ZNF488: variants seen among roughly 807,000 people sequenced by gnomAD.
ZNF488 encodes the protein zinc finger protein 488.
ZNF488 carries 1 observed loss-of-function variant against 1.2 expected under a neutral mutation model. That is an observed-to-expected ratio of 0.86 (90% confidence interval 0.30 to 4.07). The LOEUF (loss-of-function observed/expected upper bound fraction) is 4.07, where lower values mean the gene tolerates loss of function less well. ZNF488 is among the 30% of genes most tolerant of loss of function. The pLI is 0.18. For synonymous variants in ZNF488, 185 were observed against 190.1 expected, an observed-to-expected ratio of 0.97 and a Z score of 0.22; for missense variants, 450 against 437.9, an observed-to-expected ratio of 1.03 and a Z score of -0.25.
intron 1 of ZNF488, among the ~76,000 whole-genome samples, chr10:47,383,905 G>A (rs1475030403): frequency 6.6e-6 from 1 of 151,972 alleles, no homozygotes; most frequent in Non-Finnish European, 1.5e-5. Context: ...AGAAGGTAGG[G>A]GAGAAGAATA....
At chr10:47,384,087 G>GGAAA (rs1555215860) in intron 1 of ZNF488, 133 bp downstream of exon 1, 1 of 152,454 alleles carries the variant, frequency 6.6e-6, no homozygotes. Context: ...ACATTGGGAA[G>GGAAA]GAAAGGACCC....
intron 1 of ZNF488, among the ~76,000 whole-genome samples, chr10:47,379,470 G>A (rs1555214846): frequency 6.6e-6 from 1 of 152,274 alleles, no homozygotes; most frequent in African/African-American, 2.4e-5. Flanking sequence ...AAAATGAGGA[G>A]ATGAAACTAG....
Position 47,367,995 on chromosome 10 carries a change from T to C in ZNF488, c.835A>G (p.Lys279Glu). 1 of 1,614,054 alleles carries C rather than the reference T, an allele frequency of 6.2e-7. No homozygotes were observed. The highest frequency in any genetic ancestry group is 8.5e-7 in the Non-Finnish European group (1 of 1,180,014). The change falls in exon 2 of 2, where the codon AAG becomes GAG. Residue 279 changes from lysine to glutamate, a missense_variant. Physicochemically the swap from Lys to Glu is moderately conservative, Grantham distance 56. Coordinates refer to ENST00000585316, the MANE Select transcript of ZNF488 (RefSeq NM_153034.4). ...GTTAGGCGAAAGGACAGGTTGCACT[T>C]TGCACACCAGTTCTGGGTGGACAAG... Reference protein sequence around the residue: ...LGLSTQNWCAKCNLSFRLTSD... With the variant: ...LGLSTQNWCAECNLSFRLTSD...
Position 47,368,782 on chromosome 10 carries a change from G to A in ZNF488, c.48C>T (p.Ile16=), listed in dbSNP as rs1555213456. 1.9e-6 allele frequency: 3 copies of A among 1,609,686 alleles called. No homozygotes were observed. Among genetic ancestry groups the A allele is most frequent in the South Asian group, 2.2e-5 (2 of 90,252 alleles). ...GGGCTCCCTTCCCAGCTGCCATGGT[G>A]ATCACCAGGGCCGGGGCCACAGATA... is the stretch of plus-strand genomic sequence containing the variant. ...PCLSVAPALV[I]TMAAGKGAPL... Residue 16 remains isoleucine, a synonymous_variant, in exon 2 of 2, where the codon ATC becomes ATT. Coordinates refer to ENST00000585316, the MANE Select transcript of ZNF488 (RefSeq NM_153034.4).
At chr10:47,371,650 G>A (rs1010052373) in intron 1 of ZNF488, among the ~76,000 whole-genome samples, 11 of 151,824 alleles carry the variant, frequency 7.2e-5, no homozygotes, top group East Asian at 1.9e-4. Flanking sequence ...TTTTAAAGGC[G>A]GCAGTGCCCT....
intron 1 of ZNF488, among the ~76,000 whole-genome samples, chr10:47,379,492 G>A (rs977530714): frequency 2.6e-5 from 3 of 115,084 alleles, no homozygotes; most frequent in Admixed American, 8.8e-5. Flanking sequence ...AACTAGCTGG[G>A]GACCTTTCAT....
intron 1 of ZNF488, among the ~76,000 whole-genome samples, chr10:47,382,728 G>A (rs1838025474): frequency 1.3e-5 from 2 of 152,156 alleles, no homozygotes; most frequent in South Asian, 4.1e-4. Flanking sequence ...ACACTGCAAT[G>A]CACCTTCATC....
Position 47,369,420 on chromosome 10 carries a change from G to A in ZNF488, c.-108-483C>T, listed in dbSNP as rs145710853. 2.3e-4 allele frequency among the ~76,000 whole-genome samples: 35 copies of A among 152,308 alleles called. No individual in the cohort carries two copies. In the East Asian group the frequency reaches 6.8e-3, roughly 29 times the overall value. On this transcript the variant is annotated intron_variant, in intron 1 of 1. Transcript: ENST00000585316. ...GCTCGAGCTACCTCTGGCCCTGGCTGAGTGCTGAGGGCACAGGGAGGCCGC... is the reference window on the plus strand; with the variant it reads ...GCTCGAGCTACCTCTGGCCCTGGCTAAGTGCTGAGGGCACAGGGAGGCCGC...
chr10:47,368,824 T>C lies in ZNF488; in HGVS notation c.6A>G (p.Pro2=). M[P]EWPPCLSVAP... ...CCACAGATAAGCAAGGTGGCCACTC[T>C]GGCATTCATCAGTCTTTGGGGGTTT... Residue 2 remains proline (P), a synonymous_variant, in exon 2 of 2, where the codon CCA becomes CCG. Transcript: ENST00000585316. The C allele has an allele frequency of 6.3e-7, 1 of 1,585,408 alleles. No homozygotes were observed. Among genetic ancestry groups the C allele is most frequent in the Non-Finnish European group, 8.6e-7 (1 of 1,166,732 alleles).
intron 1 of ZNF488, among the ~76,000 whole-genome samples, chr10:47,370,021 T>C (rs1200024755): frequency 6.6e-6 from 1 of 152,246 alleles, no homozygotes; most frequent in African/African-American, 2.4e-5. Flanking sequence ...CAGCAACTGT[T>C]AGAAAGAAGT....
chr10:47,381,579 G>A (rs1555215414), intron 1 of ZNF488, among the ~76,000 whole-genome samples: 1 of 152,308 alleles, frequency 6.6e-6, no homozygotes, highest in Non-Finnish European at 1.5e-5. Context: ...GCCCCTACAG[G>A]CTCTGTGGCC....
chr10:47,374,513 T>C (rs1555214194), intron 1 of ZNF488, among the ~76,000 whole-genome samples: 2 of 152,182 alleles, frequency 1.3e-5, no homozygotes, highest in Admixed American at 6.5e-5. Flanking sequence ...CAATCAGGGC[T>C]TCCCACCTGC....
In ZNF488 at chr10:47,368,598, C is replaced by A. The variant is rs782229019; in HGVS notation, c.232G>T (p.Val78Leu). 8.7e-6 allele frequency: 14 copies of A among 1,610,534 alleles called. No homozygotes were observed. The East Asian group carries it at 3.1e-4, about 36-fold the overall frequency. ...DVGSAELALL[V>L]APGKPRPGKP... ...CCAGGTCGGGGCTTGCCTGGGGCTACCAACAGTGCCAGCTCCGCACTGCCC... is the reference window on the plus strand; with the variant it reads ...CCAGGTCGGGGCTTGCCTGGGGCTAACAACAGTGCCAGCTCCGCACTGCCC... The change falls in exon 2 of 2, where the codon GTA (valine) becomes TTA (leucine). Residue 78 changes from valine to leucine, a missense_variant. Coordinates refer to ENST00000585316, the MANE Select transcript of ZNF488 (RefSeq NM_153034.4).
chr10:47,372,888 G>A (rs1230442352), intron 1 of ZNF488, among the ~76,000 whole-genome samples: 1 of 152,242 alleles, frequency 6.6e-6, no homozygotes, highest in African/African-American at 2.4e-5. Flanking sequence ...AACCTCATGT[G>A]TGTCCAGAGC....
chr10:47,372,234 T>C (rs1837498605), intron 1 of ZNF488, among the ~76,000 whole-genome samples: 1 of 151,494 alleles, frequency 6.6e-6, no homozygotes, highest in Non-Finnish European at 1.5e-5. Flanking sequence ...GCATGTGGAG[T>C]TCAGAGTAGG....
chr10:47,372,589 A>G lies in ZNF488; in HGVS notation c.-108-3652T>C, dbSNP rs138519802. 5.5e-4 allele frequency among the ~76,000 whole-genome samples: 84 copies of G among 152,334 alleles called. No homozygotes were observed. In the East Asian group the frequency reaches 0.012, roughly 22 times the overall value. Reference sequence around the variant, plus strand: ...GAAGGAGAAAACAGAGAAAATGCATAAAGATTCCCAGCTTTAAACCTTCTT... The same window carrying G: ...GAAGGAGAAAACAGAGAAAATGCATGAAGATTCCCAGCTTTAAACCTTCTT... On this transcript the variant is annotated intron_variant, in intron 1 of 1. Transcript: ENST00000585316.
At chr10:47,381,600 G>A (rs1837958160) in intron 1 of ZNF488, among the ~76,000 whole-genome samples, 1 of 152,248 alleles carries the variant, frequency 6.6e-6, no homozygotes, top group Admixed American at 6.5e-5. Flanking sequence ...AGCTACGCCT[G>A]GACCCCTCTA....
intron 1 of ZNF488, among the ~76,000 whole-genome samples, chr10:47,375,243 TTA>T (rs1837636372): frequency 6.6e-6 from 1 of 152,290 alleles, no homozygotes; most frequent in South Asian, 2.1e-4. Flanking sequence ...GTCAAAGAAG[TTA>T]TATTAAAAAC....
At chr10:47,379,696 A>T (rs76871080) in intron 1 of ZNF488, among the ~76,000 whole-genome samples, 1 of 129,534 alleles carries the variant, frequency 7.7e-6, no homozygotes, top group Non-Finnish European at 1.7e-5. Context: ...CTCCTCATGC[A>T]CGTCTCTCCT....
Sources: allele counts gnomAD v4.1 joint callset (sites outside exome capture counted in the v4.1 genomes callset), GRCh38; gene constraint gnomAD v4.1.1; transcripts MANE v1.5; gene names NCBI Gene and HGNC (gene_info 2026-07-23, HGNC 2026-07-21).